The following TCF7L2 variants were observed in gnomAD, a reference collection of about 807,000 sequenced individuals.
TCF7L2 encodes the protein transcription factor 7 like 2.
In TCF7L2, 23 loss-of-function variants were observed where a neutral mutation model predicts 77.9. That is an observed-to-expected ratio of 0.30 (90% CI 0.21 to 0.42). TCF7L2 has a LOEUF of 0.42. Ranked by LOEUF, TCF7L2 falls within the 10% of genes least tolerant of loss-of-function variation. The pLI, the probability that TCF7L2 is intolerant of heterozygous loss-of-function variation, is 1.00. For synonymous variants in TCF7L2, 413 were observed against 340.2 expected, an observed-to-expected ratio of 1.21 and a Z score of -2.36; for missense variants, 654 against 793.1, an observed-to-expected ratio of 0.82 and a Z score of 2.11.
chr10:112,979,792 A>G (rs747089925), intron 4 of TCF7L2, among the ~76,000 whole-genome samples: 2 of 151,968 alleles, frequency 1.3e-5, no homozygotes, highest in Non-Finnish European at 2.9e-5. Flanking sequence ...ATAAACGAAG[A>G]CCTCACAGTT....
chr10:113,151,096 A>G lies in TCF7L2; in HGVS notation c.974A>G (p.Gln325Arg). 1 of 1,614,184 alleles carries G rather than the reference A, an allele frequency of 6.2e-7. No homozygotes were observed. Among genetic ancestry groups the G allele is most frequent in the Non-Finnish European group, 8.5e-7 (1 of 1,180,028 alleles). Residue 325 changes from glutamine to arginine, a missense_variant, in exon 9 of 14, where the codon CAG becomes CGG. By Grantham distance (43) the Gln-to-Arg change is conservative (BLOSUM62 1). Coordinates refer to ENST00000627217, the MANE Select transcript of TCF7L2 (RefSeq NM_001146274.2). This position sits in a 1 kb window ranked among gnomAD's most constrained non-coding sequence, Gnocchi z 5.2. ...CCAACAGTCAAACAGGAATCGTCCC[A>G]GAGTGATGTCGGCTCACTCCATAGT...
chr10:112,969,757 T>C (rs949141727), intron 4 of TCF7L2, among the ~76,000 whole-genome samples: 1 of 152,190 alleles, frequency 6.6e-6, no homozygotes, highest in Non-Finnish European at 1.5e-5. Flanking sequence ...TCCCACTGTC[T>C]CCATTAACCT....
chr10:113,090,322 A>G (rs2060243409), intron 5 of TCF7L2, among the ~76,000 whole-genome samples: 7 of 152,244 alleles, frequency 4.6e-5, no homozygotes, highest in Admixed American at 4.6e-4. Context: ...GTGAATATTT[A>G]TGAACCAAAT....
chr10:113,166,112 G>A lies in TCF7L2; in HGVS notation c.*140G>A, dbSNP rs1377193030. Reference sequence around the variant, plus strand: ...GTGGCTACATTAGTTGATGTTTATCGAGTTCATTGGTCAATATTTGACCCA... The same window carrying A: ...GTGGCTACATTAGTTGATGTTTATCAAGTTCATTGGTCAATATTTGACCCA... On this transcript the variant is annotated 3_prime_UTR_variant, in exon 14 of 14. Transcript: ENST00000627217. The A allele has an allele frequency of 1.0e-5, 7 of 672,734 alleles. No individual in the cohort carries two copies. The highest frequency in any genetic ancestry group is 6.0e-5 in the African/African-American group (3 of 49,666). 41.7% of individuals were successfully genotyped at this position (672,734 alleles called of 1,614,324 possible).
chr10:112,995,321 C>T (rs1308475947), intron 4 of TCF7L2, among the ~76,000 whole-genome samples: 1 of 152,146 alleles, frequency 6.6e-6, no homozygotes, highest in Non-Finnish European at 1.5e-5. Context: ...CACATCATTA[C>T]CCACAGAGGC....
chr10:112,961,562 A>G (rs1277430676), intron 3 of TCF7L2, among the ~76,000 whole-genome samples: 1 of 152,212 alleles, frequency 6.6e-6, no homozygotes, highest in African/African-American at 2.4e-5. Context: ...TTTACAGGGA[A>G]GGAAAAAGCA....
intron 7 of TCF7L2, among the ~76,000 whole-genome samples, chr10:113,144,763 ATTAT>A (rs1259245547): frequency 2.0e-5 from 3 of 152,326 alleles, no homozygotes; most frequent in Non-Finnish European, 2.9e-5. Flanking sequence ...CAGTGCCCAG[ATTAT>A]TTGACTAACT....
chr10:113,081,119 T>C (rs1036810910), intron 5 of TCF7L2, among the ~76,000 whole-genome samples: 4 of 152,224 alleles, frequency 2.6e-5, no homozygotes, highest in African/African-American at 4.8e-5. Context: ...GATCTCCTAA[T>C]ACACCTAGCC....
intron 6 of TCF7L2, among the ~76,000 whole-genome samples, chr10:113,143,193 T>C (rs1291986557): frequency 6.6e-6 from 1 of 152,262 alleles, no homozygotes; most frequent in East Asian, 1.9e-4. Flanking sequence ...AATCCGCTCA[T>C]GTGTGCCTTG....
At chr10:113,145,959 C>CA in intron 7 of TCF7L2, 52 bp from the exon 8 acceptor site, 1 of 794,980 alleles carries the variant, frequency 1.3e-6, no homozygotes, top group South Asian at 1.5e-5. Context: ...TTTTTCTTGT[C>CA]CCCACCCCCA....
In TCF7L2 at chr10:113,143,957, C is replaced by T. The variant is rs1314716254; in HGVS notation, c.720C>T (p.Ser240=). ...GGCCTCCGCACCCTCCAGATATATC[C>T]CCGTATTACCCACTATCGCCTGGCA... is the stretch of plus-strand genomic sequence containing the variant. Residue 240 remains serine, a synonymous_variant, in exon 7 of 14, where the codon TCC becomes TCT. Coordinates refer to ENST00000627217, the MANE Select transcript of TCF7L2 (RefSeq NM_001146274.2). 6.2e-7 allele frequency: 1 copy of T among 1,614,110 alleles called. No homozygotes were observed. The highest frequency in any genetic ancestry group is 2.2e-5 in the East Asian group (1 of 44,884).
intron 13 of TCF7L2, among the ~76,000 whole-genome samples, chr10:113,164,139 TG>T (rs1257562064): frequency 6.6e-6 from 1 of 152,224 alleles, no homozygotes; most frequent in Non-Finnish European, 1.5e-5. Context: ...ATAGCATTAG[TG>T]GGGTTGATCC....
chr10:112,952,500 C>G (rs890142905), intron 3 of TCF7L2, among the ~76,000 whole-genome samples: 3 of 152,278 alleles, frequency 2.0e-5, no homozygotes, highest in Non-Finnish European at 4.4e-5. Context: ...TGTGTGCAGC[C>G]GGAATGGACT....
intron 4 of TCF7L2, among the ~76,000 whole-genome samples, chr10:112,983,107 C>G (rs1254100451): frequency 6.6e-6 from 1 of 151,840 alleles, no homozygotes; most frequent in Non-Finnish European, 1.5e-5. Flanking sequence ...GTTGTAACGT[C>G]TGCTCTGTTT....
intron 4 of TCF7L2, among the ~76,000 whole-genome samples, chr10:113,019,425 G>A (rs942142783): frequency 4.6e-5 from 7 of 152,186 alleles, no homozygotes; most frequent in Admixed American, 6.5e-5. Context: ...GGGTGGTGGC[G>A]AGAAGTAGGG....
chr10:112,973,535 A>G (rs934106454), intron 4 of TCF7L2, among the ~76,000 whole-genome samples: 5 of 152,156 alleles, frequency 3.3e-5, no homozygotes, highest in Non-Finnish European at 7.3e-5. Context: ...ATTCTAATGC[A>G]CACAGTCACA....
intron 5 of TCF7L2, among the ~76,000 whole-genome samples, chr10:113,117,652 C>T (rs930233181): frequency 1.6e-4 from 24 of 152,296 alleles, no homozygotes; most frequent in African/African-American, 5.5e-4. Flanking sequence ...CTTTGTGGTG[C>T]GCGCTTAGTC....
chr10:112,954,689 G>A (rs986054272), intron 3 of TCF7L2, among the ~76,000 whole-genome samples: 4 of 152,196 alleles, frequency 2.6e-5, no homozygotes, highest in Non-Finnish European at 4.4e-5. Flanking sequence ...AAGTTGATTG[G>A]AAAAAGTAGT....
intron 5 of TCF7L2, among the ~76,000 whole-genome samples, chr10:113,077,752 G>A (rs1162393386): frequency 2.0e-5 from 3 of 148,386 alleles, no homozygotes; most frequent in Non-Finnish European, 4.4e-5. Context: ...CCAGGCTGGA[G>A]TGCAGTGGCA....
Sources: allele counts gnomAD v4.1 joint callset (sites outside exome capture counted in the v4.1 genomes callset), GRCh38; gene constraint gnomAD v4.1.1; non-coding constraint Gnocchi (gnomAD v3.1); transcripts MANE v1.5; gene names NCBI Gene and HGNC (gene_info 2026-07-23, HGNC 2026-07-21).